DST: variants seen among roughly 807,000 people sequenced by gnomAD.
DST encodes the protein dystonin, also known as bullous pemphigoid antigen.
DST carries 253 observed loss-of-function variants against 875.2 expected under a neutral mutation model. The observed-to-expected ratio is 0.29, with a 90% confidence interval of 0.26 to 0.32. The LOEUF is 0.32. DST is among the 10% of genes least tolerant of loss of function. The probability of loss-of-function intolerance (pLI) is 1.00; values close to 1 mark genes in which losing one functional copy is unlikely to be tolerated. For synonymous variants in DST, 3,124 were observed against 3,197.1 expected (o/e 0.98, Z 0.77); for missense variants, 8,287 against 9,111.6 (o/e 0.91, Z 3.68).
chr6:56,797,844 C>T (rs532095102), intron 4 of DST, among the ~76,000 whole-genome samples: 1 of 149,972 alleles, frequency 6.7e-6, no homozygotes, highest in Admixed American at 6.6e-5. Context: ...AAAAGCTACT[C>T]CAGTGAATAC....
chr6:56,646,087 C>T lies in DST; in HGVS notation c.1650G>A (p.Glu550=). ...SKIKRLYKLL[E]IWIEFGRIKL... ...CAATACAAAGCAAATTTGAGCTTAC[C>T]TCTAATAATTTATATAGACGTTTAA... Residue 550 remains glutamate, a splice_region_variant and synonymous_variant, in exon 14 of 104, where the codon GAG becomes GAA. Coordinates refer to ENST00000680361, the MANE Select transcript of DST (RefSeq NM_001374736.1). 1 of 1,550,604 alleles carries T rather than the reference C, an allele frequency of 6.4e-7. No homozygotes were observed. The highest frequency in any genetic ancestry group is 8.7e-7 in the Non-Finnish European group (1 of 1,145,310).
chr6:56,817,168 T>C (rs1477651119), intron 4 of DST, among the ~76,000 whole-genome samples: 6 of 151,986 alleles, frequency 3.9e-5, no homozygotes, highest in African/African-American at 7.2e-5. Flanking sequence ...AAAATACTTA[T>C]AAAAAAACTA....
intron 93 of DST, 87 bp downstream of exon 93, chr6:56,473,786 A>G (rs1037086527): frequency 3.0e-6 from 4 of 1,352,800 alleles, no homozygotes; most frequent in Non-Finnish European, 4.0e-6. Flanking sequence ...AAAATCACCA[A>G]TTGCCCCCAA....
Position 56,611,525 on chromosome 6 carries a change from CA to C in DST, c.5129del (p.Leu1710TrpfsTer8), listed in dbSNP as rs35805169. 1.9e-6 allele frequency: 3 copies of C among 1,611,474 alleles called. No individual in the cohort carries two copies. Among genetic ancestry groups the C allele is most frequent in the South Asian group, 1.1e-5 (1 of 90,672 alleles). On this transcript the variant is annotated frameshift_variant, in exon 38 of 104. Coordinates refer to ENST00000680361, the MANE Select transcript of DST (RefSeq NM_001374736.1). LOFTEE classifies it high-confidence loss of function. The stretch of plus-strand genomic sequence containing the variant: ...CAACATACTTGTCTCCATGTTTTGC[CA>C]AAAAAAGCTGTATAGTTTGAAGTGC... ...SEALQTIQLF[L>X]AKHGDKMTDE...
At chr6:56,516,069 CAT>C (rs983364801) in intron 71 of DST, among the ~76,000 whole-genome samples, 12 of 150,304 alleles carry the variant, frequency 8.0e-5, no homozygotes, top group South Asian at 4.2e-4. Context: ...TACACACACA[CAT>C]ATATATGTGT....
chr6:56,501,978 C>A (rs1391881388), intron 78 of DST, among the ~76,000 whole-genome samples: 1 of 152,024 alleles, frequency 6.6e-6, no homozygotes, highest in Non-Finnish European at 1.5e-5. Context: ...AATTTCAAGG[C>A]TGAACTTATT....
At chr6:56,700,107 T>C (rs2152874790) in intron 8 of DST, among the ~76,000 whole-genome samples, 1 of 152,328 alleles carries the variant, frequency 6.6e-6, no homozygotes, top group South Asian at 2.1e-4. Flanking sequence ...ATTAGATTCC[T>C]ATAGGGGTGT....
At chr6:56,553,690 A>C in intron 60 of DST, 35 bp from the exon 61 acceptor site, 4 of 1,561,796 alleles carry the variant, frequency 2.6e-6, no homozygotes, top group Non-Finnish European at 3.5e-6. Flanking sequence ...TTTATTTTAC[A>C]TCAAAATGTT....
At chr6:56,484,870 T>C (rs2095510518) in intron 88 of DST, 1 of 156,220 alleles carries the variant, frequency 6.4e-6, no homozygotes, top group Non-Finnish European at 1.4e-5. Flanking sequence ...TGGTTCGGTA[T>C]TTTTAAAAGC....
At chr6:56,497,707 T>G (rs1015434263) in intron 81 of DST, 149 bp downstream of exon 81, 1 of 941,444 alleles carries the variant, frequency 1.1e-6, no homozygotes. Flanking sequence ...CTGTGTTCTC[T>G]TCTGCTGTTC....
At chr6:56,600,794 C>T (rs2098439179) in intron 44 of DST, among the ~76,000 whole-genome samples, 1 of 152,042 alleles carries the variant, frequency 6.6e-6, no homozygotes, top group Admixed American at 6.6e-5. Context: ...AAGAAGTCAA[C>T]ACTAATTACT....
At chr6:56,570,621 C>T (rs1319839805) in intron 53 of DST, among the ~76,000 whole-genome samples, 1 of 152,176 alleles carries the variant, frequency 6.6e-6, no homozygotes, top group Non-Finnish European at 1.5e-5. Context: ...TCACCTCCTA[C>T]TGTGCAGCCC....
At chr6:56,803,996 C>T (rs2099750309) in intron 4 of DST, among the ~76,000 whole-genome samples, 1 of 152,196 alleles carries the variant, frequency 6.6e-6, no homozygotes, top group South Asian at 2.1e-4. Context: ...GTCCTCAATA[C>T]CAAACATATG....
At chr6:56,477,590 C>T (rs2095251240) in intron 90 of DST, 102 bp from the exon 91 acceptor site, 3 of 1,448,384 alleles carry the variant, frequency 2.1e-6, no homozygotes, top group South Asian at 2.5e-5. Flanking sequence ...TAAACAAAAA[C>T]TTCAATTGGT....
At chr6:56,906,780 C>T (rs1796606575) in intron 2 of DST, among the ~76,000 whole-genome samples, 1 of 152,026 alleles carries the variant, frequency 6.6e-6, no homozygotes, top group Non-Finnish European at 1.5e-5. Context: ...CAAGTGTGTC[C>T]CTGTCCTAAA....
At chr6:56,575,131 G>A (rs771480286) in intron 50 of DST, among the ~76,000 whole-genome samples, 5 of 151,988 alleles carry the variant, frequency 3.3e-5, no homozygotes, top group African/African-American at 4.8e-5. Flanking sequence ...TAATATGCAC[G>A]AAAATGCCAT....
In DST at chr6:56,598,708, T is replaced by A. The variant is rs777363491; in HGVS notation, c.11696A>T (p.Glu3899Val). 6.5e-7 allele frequency: 1 copy of A among 1,547,254 alleles called. No homozygotes were observed. Among genetic ancestry groups the A allele is most frequent in the Non-Finnish European group, 8.7e-7 (1 of 1,146,156 alleles). The stretch of plus-strand genomic sequence containing the variant: ...ACTTCCTTGCATATCTTTCTGTAAT[T>A]CCTTATAACACAAAAGGAAAAAATA... Reference protein sequence around the residue: ...ELKKYQSKQEELQKDMQGSAQ... With the variant: ...ELKKYQSKQEVLQKDMQGSAQ... The change falls in exon 46 of 104, where the codon GAA (glutamate) becomes GTA (valine). Residue 3899 changes from glutamate (E) to valine (V), a missense_variant and splice_region_variant. Physicochemically the swap from Glu to Val is moderately radical, Grantham distance 121 (BLOSUM62 -2). Coordinates refer to ENST00000680361, the MANE Select transcript of DST (RefSeq NM_001374736.1).
chr6:56,878,386 T>C (rs1780486699), intron 3 of DST, among the ~76,000 whole-genome samples: 1 of 152,156 alleles, frequency 6.6e-6, no homozygotes, highest in African/African-American at 2.4e-5. Context: ...GTGAAGACTG[T>C]GGCTGGAATA....
intron 69 of DST, among the ~76,000 whole-genome samples, chr6:56,523,322 T>A (rs990909357): frequency 2.6e-5 from 4 of 152,274 alleles, no homozygotes; most frequent in African/African-American, 4.8e-5. Flanking sequence ...CAATAGCGTA[T>A]CTTTTCAAAA....
Sources: gnomAD v4.1 joint callset for allele counts (sites outside exome capture counted in the v4.1 genomes callset) on GRCh38, gnomAD v4.1.1 for gene constraint, MANE v1.5 for transcripts, NCBI Gene and HGNC (gene_info 2026-07-23, HGNC 2026-07-21) for gene names.